The following GSG1L variants were observed in gnomAD, a reference collection of about 807,000 sequenced individuals.
GSG1L encodes GSG1 like, also known as germ cell-specific gene 1-like protein.
Under a neutral mutation model 42.1 loss-of-function variants are expected in GSG1L, and 24 were observed. The observed-to-expected ratio is 0.57, with a 90% CI of 0.41 to 0.80. The LOEUF is 0.80. Ranked by LOEUF, GSG1L falls within the 30% of genes least tolerant of loss-of-function variation. The pLI, the probability that GSG1L is intolerant of heterozygous loss-of-function variation, is 0.00. For synonymous variants in GSG1L, 215 were observed against 203.5 expected (o/e 1.06, Z -0.48); for missense variants, 445 against 472.2 (o/e 0.94, Z 0.53).
intron 5 of GSG1L, among the ~76,000 whole-genome samples, chr16:27,823,427 G>A (rs2083170794): frequency 6.6e-6 from 1 of 152,038 alleles, no homozygotes; most frequent in Admixed American, 6.5e-5. Flanking sequence ...CATGCAGTCG[G>A]CTCTTGCAGA....
At chr16:27,987,674 C>T (rs1462481959) in intron 1 of GSG1L, among the ~76,000 whole-genome samples, 3 of 152,132 alleles carry the variant, frequency 2.0e-5, no homozygotes, top group Admixed American at 6.6e-5. Flanking sequence ...GTGGGCTGGT[C>T]GTGGTGGCTC....
At chr16:28,013,906 T>C (rs1360887457) in intron 1 of GSG1L, among the ~76,000 whole-genome samples, 2 of 152,216 alleles carry the variant, frequency 1.3e-5, no homozygotes. Flanking sequence ...CCTTCCTATG[T>C]GGCTCACTTC....
chr16:27,984,951 T>C (rs992694080), intron 1 of GSG1L, among the ~76,000 whole-genome samples: 1 of 152,022 alleles, frequency 6.6e-6, no homozygotes, highest in African/African-American at 2.4e-5. Flanking sequence ...AGAGATGGGG[T>C]TTTGCCATGT....
At chr16:27,870,446 T>C (rs919207040) in intron 3 of GSG1L, among the ~76,000 whole-genome samples, 1 of 151,284 alleles carries the variant, frequency 6.6e-6, no homozygotes, top group African/African-American at 2.5e-5. Flanking sequence ...TCCATCTCTC[T>C]CTCTCTGTGT....
intron 2 of GSG1L, among the ~76,000 whole-genome samples, chr16:27,896,604 G>GA (rs1055629853): frequency 1.3e-5 from 2 of 152,018 alleles, no homozygotes; most frequent in East Asian, 1.9e-4. Flanking sequence ...CGAAGGCATA[G>GA]AAAAAAAAGA....
intron 3 of GSG1L, 110 bp from the exon 4 acceptor site, chr16:27,845,171 G>A: frequency 1.5e-6 from 1 of 687,560 alleles, no homozygotes; most frequent in South Asian, 1.8e-5. Flanking sequence ...GATCACTGTG[G>A]AGAACAGGGA....
chr16:28,025,076 C>T (rs2085885173), intron 1 of GSG1L, among the ~76,000 whole-genome samples: 1 of 152,164 alleles, frequency 6.6e-6, no homozygotes, highest in Non-Finnish European at 1.5e-5. Context: ...AGAGAAAGCC[C>T]CACTCCAAGG....
intron 2 of GSG1L, among the ~76,000 whole-genome samples, chr16:27,949,195 C>T (rs1203944019): frequency 6.6e-6 from 1 of 151,722 alleles, no homozygotes; most frequent in African/African-American, 2.4e-5. Flanking sequence ...GGATTACAGG[C>T]ATGAGCCACC....
intron 5 of GSG1L, among the ~76,000 whole-genome samples, chr16:27,828,320 C>A (rs1283066711): frequency 6.6e-6 from 1 of 152,192 alleles, no homozygotes; most frequent in Non-Finnish European, 1.5e-5. Flanking sequence ...ATTGTCACCT[C>A]CTCTAATCCC....
At chr16:27,859,736 C>T (rs2083620169) in intron 3 of GSG1L, among the ~76,000 whole-genome samples, 1 of 152,216 alleles carries the variant, frequency 6.6e-6, no homozygotes. Flanking sequence ...AGTGCAGTGG[C>T]ACGATCATAG....
At chr16:27,992,126 C>T (rs2141135830) in intron 1 of GSG1L, among the ~76,000 whole-genome samples, 1 of 152,272 alleles carries the variant, frequency 6.6e-6, no homozygotes, top group African/African-American at 2.4e-5. Context: ...TCTAACCTCC[C>T]TAGTGATGAT....
At chr16:27,871,858 A>G (rs938094279) in intron 3 of GSG1L, among the ~76,000 whole-genome samples, 1 of 152,210 alleles carries the variant, frequency 6.6e-6, no homozygotes, top group African/African-American at 2.4e-5. Context: ...AAAATAGAGC[A>G]GTGGTTGCCC....
chr16:27,800,924 C>T (rs1470437013), intron 6 of GSG1L, among the ~76,000 whole-genome samples: 3 of 152,030 alleles, frequency 2.0e-5, no homozygotes, highest in East Asian at 1.9e-4. Flanking sequence ...AAGATCATTT[C>T]GGAGAGGGAC....
At chr16:27,949,290 A>G (rs2084924863) in intron 2 of GSG1L, among the ~76,000 whole-genome samples, 1 of 152,190 alleles carries the variant, frequency 6.6e-6, no homozygotes, top group Non-Finnish European at 1.5e-5. Context: ...GAGTTGACAG[A>G]TATTACTGCT....
At chr16:27,866,964 C>G (rs1353044286) in intron 3 of GSG1L, among the ~76,000 whole-genome samples, 2 of 152,212 alleles carry the variant, frequency 1.3e-5, no homozygotes, top group African/African-American at 4.8e-5. Context: ...GCATTCCCCA[C>G]CAGTGGCCCA....
chr16:27,877,921 C>T (rs1312444359), intron 3 of GSG1L, among the ~76,000 whole-genome samples: 1 of 152,206 alleles, frequency 6.6e-6, no homozygotes, highest in Admixed American at 6.5e-5. Context: ...TAGGGTTCAA[C>T]ACGTTACTAG....
intron 1 of GSG1L, among the ~76,000 whole-genome samples, chr16:28,015,922 C>T (rs1444671006): frequency 6.6e-6 from 1 of 152,210 alleles, no homozygotes; most frequent in Non-Finnish European, 1.5e-5. Flanking sequence ...GATGAAGAAG[C>T]TACAAAGTCC....
intron 2 of GSG1L, among the ~76,000 whole-genome samples, chr16:27,936,854 A>G (rs75475653): frequency 0.013 from 2,044 of 152,296 alleles, 35 homozygotes; most frequent in Middle Eastern, 0.041. Context: ...CTCCCCGCCA[A>G]CACTACCCTC....
intron 3 of GSG1L, among the ~76,000 whole-genome samples, chr16:27,868,112 C>T (rs757526159): frequency 7.9e-5 from 12 of 152,250 alleles, no homozygotes; most frequent in Non-Finnish European, 1.5e-4. Context: ...GGGCCAGGCT[C>T]ATTTGTATGA....
Sources: gnomAD v4.1 joint callset for allele counts (sites outside exome capture counted in the v4.1 genomes callset) on GRCh38, gnomAD v4.1.1 for gene constraint, MANE v1.5 for transcripts, NCBI Gene and HGNC (gene_info 2026-07-23, HGNC 2026-07-21) for gene names.